The following PDE7B variants were observed in gnomAD, a reference collection of about 807,000 sequenced individuals.
The protein encoded by PDE7B is 3',5'-cyclic-AMP phosphodiesterase 7B.
A neutral mutation model predicts 56.2 loss-of-function variants in PDE7B; 29 were observed. That is an observed-to-expected ratio of 0.52 (90% CI 0.38 to 0.70). PDE7B has a LOEUF of 0.70. PDE7B is among the 30% of genes least tolerant of loss of function. The pLI, the probability that PDE7B is intolerant of heterozygous loss-of-function variation, is 0.00. For missense variants in PDE7B, 490 were observed against 565.0 expected, an observed-to-expected ratio of 0.87 and a Z score of 1.35; for synonymous variants, 197 against 196.9, an observed-to-expected ratio of 1.00 and a Z score of 0.00.
At chr6:135,946,922 G>A (rs1037133762) in intron 1 of PDE7B, among the ~76,000 whole-genome samples, 1 of 152,064 alleles carries the variant, frequency 6.6e-6, no homozygotes, top group South Asian at 2.1e-4. Flanking sequence ...ATATAGATAA[G>A]AAAGTTGATA....
intron 2 of PDE7B, among the ~76,000 whole-genome samples, chr6:136,036,314 A>G (rs1480216815): frequency 6.6e-6 from 1 of 152,184 alleles, no homozygotes; most frequent in Non-Finnish European, 1.5e-5. Flanking sequence ...TGTTGTATGT[A>G]TATCTGGTTG....
At chr6:135,998,730 T>C (rs1271689691) in intron 2 of PDE7B, among the ~76,000 whole-genome samples, 1 of 151,146 alleles carries the variant, frequency 6.6e-6, no homozygotes, top group East Asian at 1.9e-4. Context: ...CACTCCAGCC[T>C]GGGTGACAGA....
At chr6:136,046,073 C>T (rs1472695573) in intron 2 of PDE7B, among the ~76,000 whole-genome samples, 1 of 151,842 alleles carries the variant, frequency 6.6e-6, no homozygotes, top group African/African-American at 2.4e-5. Flanking sequence ...TTTAGAGGAT[C>T]TGTGACAGTC....
At chr6:135,961,727 AC>A (rs1211053193) in intron 2 of PDE7B, among the ~76,000 whole-genome samples, 1 of 152,096 alleles carries the variant, frequency 6.6e-6, no homozygotes, top group African/African-American at 2.4e-5. Flanking sequence ...TATAAACAAA[AC>A]CCTGGTTCAT....
intron 2 of PDE7B, among the ~76,000 whole-genome samples, chr6:136,005,891 A>G (rs1775773190): frequency 6.6e-6 from 1 of 152,092 alleles, no homozygotes; most frequent in Non-Finnish European, 1.5e-5. Context: ...TACTGCTATA[A>G]AGACACATGC....
At chr6:135,975,143 T>G (rs555972584) in intron 2 of PDE7B, among the ~76,000 whole-genome samples, 36 of 152,202 alleles carry the variant, frequency 2.4e-4, no homozygotes, top group Admixed American at 5.2e-4. Context: ...AGTCGTTTTT[T>G]TTTTGTTTTG....
chr6:135,940,444 A>G (rs1280338664), intron 1 of PDE7B, among the ~76,000 whole-genome samples: 1 of 152,228 alleles, frequency 6.6e-6, no homozygotes, highest in Non-Finnish European at 1.5e-5. Context: ...CACTGTTAGC[A>G]CAGAGTAGGC....
chr6:136,183,447 T>A (rs945327716), intron 11 of PDE7B, among the ~76,000 whole-genome samples: 1 of 151,288 alleles, frequency 6.6e-6, no homozygotes, highest in Admixed American at 6.6e-5. Flanking sequence ...CAAAAAAAAA[T>A]TAGCCGGGCA....
intron 2 of PDE7B, among the ~76,000 whole-genome samples, chr6:135,957,356 C>T (rs774867267): frequency 6.6e-5 from 10 of 151,936 alleles, no homozygotes; most frequent in Non-Finnish European, 1.2e-4. Flanking sequence ...TTTTGAGGAC[C>T]CAGCTGAGTT....
At chr6:135,859,094 A>T (rs1308695617) in intron 1 of PDE7B, among the ~76,000 whole-genome samples, 1 of 151,750 alleles carries the variant, frequency 6.6e-6, no homozygotes, top group Non-Finnish European at 1.5e-5. Context: ...TCCCTTTCTC[A>T]TTATGCCACT....
At chr6:136,054,624 G>A (rs377380931) in intron 2 of PDE7B, among the ~76,000 whole-genome samples, 2 of 152,122 alleles carry the variant, frequency 1.3e-5, no homozygotes, top group African/African-American at 4.8e-5. Flanking sequence ...GGATGGCATT[G>A]AATCTATAAA....
At chr6:136,019,417 C>T (rs1487907132) in intron 2 of PDE7B, among the ~76,000 whole-genome samples, 2 of 152,088 alleles carry the variant, frequency 1.3e-5, no homozygotes. Context: ...GGCCATCAAA[C>T]TGTCAAAGCA....
chr6:136,029,654 AT>A (rs1367783006), intron 2 of PDE7B, among the ~76,000 whole-genome samples: 4 of 152,224 alleles, frequency 2.6e-5, no homozygotes, highest in Admixed American at 6.5e-5. Flanking sequence ...AAGATATGCA[AT>A]CATTTTAAAG....
chr6:135,966,671 C>T (rs1313670838), intron 2 of PDE7B, among the ~76,000 whole-genome samples: 1 of 152,070 alleles, frequency 6.6e-6, no homozygotes, highest in Admixed American at 6.6e-5. Context: ...CATGGACTGA[C>T]CCAAATACCC....
chr6:135,953,715 AATAG>A (rs1416569011), intron 2 of PDE7B, among the ~76,000 whole-genome samples: 1 of 152,132 alleles, frequency 6.6e-6, no homozygotes, highest in Non-Finnish European at 1.5e-5. Flanking sequence ...GGTTCAAGTG[AATAG>A]ATATTTTCAA....
chr6:136,179,204 G>T, intron 10 of PDE7B, 63 bp downstream of exon 10: 6 of 1,471,292 alleles, frequency 4.1e-6, no homozygotes, highest in Non-Finnish European at 5.7e-6. Context: ...GGCTGGGTGT[G>T]GTGGCTCACA....
At chr6:136,182,948 T>A (rs1442236732) in intron 11 of PDE7B, among the ~76,000 whole-genome samples, 1 of 151,796 alleles carries the variant, frequency 6.6e-6, no homozygotes, top group Non-Finnish European at 1.5e-5. Context: ...CGGCACAACC[T>A]GTAGTCCCAG....
At chr6:135,906,179 G>C (rs934942572) in intron 1 of PDE7B, among the ~76,000 whole-genome samples, 1 of 152,112 alleles carries the variant, frequency 6.6e-6, no homozygotes, top group African/African-American at 2.4e-5. Flanking sequence ...AGGGTCTGTG[G>C]ATAAGGCCCA....
intron 1 of PDE7B, among the ~76,000 whole-genome samples, chr6:135,899,301 C>T (rs774736400): frequency 1.4e-4 from 22 of 151,964 alleles, no homozygotes; most frequent in Middle Eastern, 6.9e-3. Flanking sequence ...AATAATAAGA[C>T]GGCCATTTTT....
Sources: gnomAD v4.1 joint callset for allele counts (sites outside exome capture counted in the v4.1 genomes callset) on GRCh38, gnomAD v4.1.1 for gene constraint, MANE v1.5 for transcripts, NCBI Gene and HGNC (gene_info 2026-07-23, HGNC 2026-07-21) for gene names.